The following AOPEP variants were observed in gnomAD, a reference collection of about 807,000 sequenced individuals.
AOPEP encodes the protein aminopeptidase O.
AOPEP carries 77 observed loss-of-function variants against 98.1 expected under a neutral mutation model. The observed-to-expected ratio is 0.78, with a 90% confidence interval of 0.65 to 0.95. The LOEUF is 0.95. Among genes scored for constraint, AOPEP ranks in the 40% least tolerant of loss-of-function variants. AOPEP has a pLI of 0.00. For synonymous variants in AOPEP, 346 were observed against 365.3 expected (o/e 0.95, Z 0.60); for missense variants, 1,024 against 1,024.7 (o/e 1.00, Z 0.01).
intron 7 of AOPEP, among the ~76,000 whole-genome samples, chr9:94,945,100 A>T (rs570658304): frequency 6.6e-6 from 1 of 152,238 alleles, no homozygotes; most frequent in African/African-American, 2.4e-5. Flanking sequence ...CGTTGGATGG[A>T]TGGAAGACAT....
At chr9:94,978,810 T>C (rs1222624704) in intron 10 of AOPEP, among the ~76,000 whole-genome samples, 2 of 151,988 alleles carry the variant, frequency 1.3e-5, no homozygotes, top group African/African-American at 2.4e-5. Flanking sequence ...ATTGGACATA[T>C]CAAGCAATGA....
intron 7 of AOPEP, among the ~76,000 whole-genome samples, chr9:94,949,921 G>T (rs2057976213): frequency 6.6e-6 from 1 of 152,176 alleles, no homozygotes; most frequent in Non-Finnish European, 1.5e-5. Context: ...ACTTTATGTG[G>T]CTCTTGAAAT....
At chr9:95,098,014 A>G in the AOPEP span, among the ~76,000 whole-genome samples, 2 of 152,104 alleles carry the variant, frequency 1.3e-5, no homozygotes, top group Admixed American at 1.3e-4. Context: ...CTGGGCTGGA[A>G]ACAGAGGAAG....
chr9:94,881,246 A>ATT (rs71366267), intron 5 of AOPEP, among the ~76,000 whole-genome samples: 19 of 145,122 alleles, frequency 1.3e-4, no homozygotes, highest in South Asian at 4.4e-4. Context: ...TGCTGCTTCT[A>ATT]TTTTTTTTTT....
chr9:94,891,526 C>T (rs1470384337), intron 5 of AOPEP, among the ~76,000 whole-genome samples: 2 of 152,000 alleles, frequency 1.3e-5, no homozygotes, highest in Non-Finnish European at 2.9e-5. Flanking sequence ...TTGCATTTTA[C>T]AGATTTTTTT....
intron 14 of AOPEP, chr9:95,065,392 C>T (rs1017105015): frequency 6.6e-6 from 1 of 152,268 alleles, no homozygotes; most frequent in Non-Finnish European, 1.5e-5. Flanking sequence ...CGTAGGACAC[C>T]GAGGCTTATG....
chr9:94,864,691 A>T (rs901235695), intron 5 of AOPEP, among the ~76,000 whole-genome samples: 1 of 152,172 alleles, frequency 6.6e-6, no homozygotes, highest in African/African-American at 2.4e-5. Context: ...TTAATAAAGC[A>T]ATGTAATTTA....
At chr9:95,139,257 C>T in the AOPEP span, among the ~76,000 whole-genome samples, 1 of 152,172 alleles carries the variant, frequency 6.6e-6, no homozygotes, top group Non-Finnish European at 1.5e-5. Context: ...CAGTTTCACC[C>T]TCTCCGTGTA....
rs114531698 is a variant in AOPEP at position 94,930,950 on chromosome 9, G to C, written c.1661+2419G>C. The stretch of plus-strand genomic sequence containing the variant: ...ATGCTTACCTGCGAGCTGCCTCACT[G>C]TGCAAATCCCTTCACCTCTTAAAGG... On this transcript the variant is annotated intron_variant, in intron 7 of 16. Transcript: ENST00000375315. This position sits in a 1 kb window ranked among gnomAD's most constrained non-coding sequence, Gnocchi z 4.5. Among the ~76,000 whole-genome samples the C allele has an allele frequency of 6.6e-3, 1,007 of 152,304 alleles. 17 individuals carry two copies. Among genetic ancestry groups the C allele is most frequent in the African/African-American group, 0.023 (966 of 41,562 alleles).
intron 11 of AOPEP, among the ~76,000 whole-genome samples, chr9:95,004,764 G>C (rs1245008703): frequency 6.9e-6 from 1 of 143,942 alleles, no homozygotes; most frequent in East Asian, 2.0e-4. Flanking sequence ...AGCCCGGGGA[G>C]GGGTGGCGGG....
At chr9:94,825,133 G>A (rs1460564719) in intron 5 of AOPEP, among the ~76,000 whole-genome samples, 1 of 152,146 alleles carries the variant, frequency 6.6e-6, no homozygotes, top group Non-Finnish European at 1.5e-5. Flanking sequence ...GAGAATGGAG[G>A]AGAGGAGGGA....
At chr9:95,024,432 G>A (rs2063689072) in intron 13 of AOPEP, among the ~76,000 whole-genome samples, 2 of 152,176 alleles carry the variant, frequency 1.3e-5, no homozygotes, top group Non-Finnish European at 2.9e-5. Context: ...TTTTCTCCAG[G>A]CTGTGCTGTT....
chr9:95,087,087 G>A lies in AOPEP; in HGVS notation c.*410G>A. Reference sequence around the variant, plus strand: ...CACAGCTCCTCTGTATGAGACCAGTGGGCGCCATTTAAAAGAACAGGATGA... The same window carrying A: ...CACAGCTCCTCTGTATGAGACCAGTAGGCGCCATTTAAAAGAACAGGATGA... On this transcript the variant is annotated 3_prime_UTR_variant, in exon 17 of 17. Transcript: ENST00000375315. 1 of 247,522 alleles carries A rather than the reference G, an allele frequency of 4.0e-6. No homozygotes were observed. Among genetic ancestry groups the A allele is most frequent in the Non-Finnish European group, 6.4e-6 (1 of 155,352 alleles). 15.3% of individuals were successfully genotyped at this position (247,522 alleles called of 1,614,324 possible). A position where few individuals can be genotyped will look rare whatever the true frequency, so the allele number is the denominator to read the frequency against.
intron 9 of AOPEP, among the ~76,000 whole-genome samples, chr9:94,963,883 G>A (rs1320904452): frequency 6.6e-6 from 1 of 152,176 alleles, no homozygotes; most frequent in African/African-American, 2.4e-5. Flanking sequence ...TTCTTGTGCT[G>A]TAGAAAGTGG....
chr9:94,807,548 C>T (rs1338498870), intron 5 of AOPEP, among the ~76,000 whole-genome samples: 1 of 152,164 alleles, frequency 6.6e-6, no homozygotes, highest in Non-Finnish European at 1.5e-5. Flanking sequence ...CAGTCAGCAC[C>T]ACCTTGCCAT....
intron 5 of AOPEP, among the ~76,000 whole-genome samples, chr9:94,911,968 C>T (rs2052106070): frequency 6.6e-6 from 1 of 152,176 alleles, no homozygotes; most frequent in Admixed American, 6.5e-5. Context: ...TGCACATAAC[C>T]AGCACTCCAG....
At chr9:95,128,054 T>A in the AOPEP span, among the ~76,000 whole-genome samples, 14 of 152,218 alleles carry the variant, frequency 9.2e-5, no homozygotes, top group Non-Finnish European at 1.5e-5. Context: ...AAGAAAATAA[T>A]TTGGCAGGAC....
chr9:94,770,649 A>G (rs1228694341), intron 2 of AOPEP, among the ~76,000 whole-genome samples: 2 of 152,288 alleles, frequency 1.3e-5, no homozygotes, highest in African/African-American at 4.8e-5. Context: ...GATGGGAGAG[A>G]GAGTGAGAAA....
chr9:95,034,213 A>C (rs914219724), intron 13 of AOPEP, among the ~76,000 whole-genome samples: 3 of 152,222 alleles, frequency 2.0e-5, no homozygotes, highest in Non-Finnish European at 4.4e-5. Context: ...CTTGAAGCCA[A>C]GATGTAGGTA....
Sources: gnomAD v4.1 joint callset for allele counts (sites outside exome capture counted in the v4.1 genomes callset) on GRCh38, gnomAD v4.1.1 for gene constraint, Gnocchi (gnomAD v3.1) non-coding constraint, MANE v1.5 for transcripts, NCBI Gene and HGNC (gene_info 2026-07-23, HGNC 2026-07-21) for gene names.